AGMO: variants seen among roughly 807,000 people sequenced by gnomAD.
The protein encoded by AGMO is alkylglycerol monooxygenase.
Under a neutral mutation model 60.2 loss-of-function variants are expected in AGMO, and 75 were observed. The ratio of observed to expected loss-of-function variants is 1.25; its 90% CI spans 1.03 to 1.51. AGMO has a LOEUF of 1.51. Ranked by LOEUF, AGMO falls within the 40% of genes most tolerant of loss-of-function variation. The pLI, the probability that AGMO is intolerant of heterozygous loss-of-function variation, is 0.00. For missense variants in AGMO, 763 were observed against 525.5 expected, an observed-to-expected ratio of 1.45 and a Z score of -4.42; for synonymous variants, 261 against 177.1, an observed-to-expected ratio of 1.47 and a Z score of -3.76.
intron 3 of AGMO, among the ~76,000 whole-genome samples, chr7:15,437,787 G>T (rs1260706654): frequency 6.6e-6 from 1 of 152,016 alleles, no homozygotes. Flanking sequence ...TGATCCGCCC[G>T]CCTCGGCCTC....
the AGMO span, among the ~76,000 whole-genome samples, chr7:15,177,413 G>A: frequency 6.6e-6 from 1 of 151,980 alleles, no homozygotes; most frequent in Non-Finnish European, 1.5e-5. Context: ...CAACACTTCT[G>A]TTCTTCCTGA....
At chr7:15,549,804 G>A (rs1784894226) in intron 2 of AGMO, among the ~76,000 whole-genome samples, 1 of 151,584 alleles carries the variant, frequency 6.6e-6, no homozygotes, top group African/African-American at 2.4e-5. Context: ...ACTCAGCTCT[G>A]CACCAAGCGG....
intron 12 of AGMO, among the ~76,000 whole-genome samples, chr7:15,256,875 C>G (rs962887059): frequency 1.3e-5 from 2 of 152,142 alleles, no homozygotes; most frequent in Non-Finnish European, 2.9e-5. Flanking sequence ...ATGGGAAAAT[C>G]ATAAACTGTT....
intron 2 of AGMO, among the ~76,000 whole-genome samples, chr7:15,555,069 T>C (rs1785088162): frequency 6.6e-6 from 1 of 151,876 alleles, no homozygotes; most frequent in South Asian, 2.1e-4. Flanking sequence ...CATACAAATC[T>C]GCCAATTTAT....
chr7:15,132,979 G>C, the AGMO span, among the ~76,000 whole-genome samples: 1 of 152,106 alleles, frequency 6.6e-6, no homozygotes, highest in African/African-American at 2.4e-5. Flanking sequence ...GGTTATAATG[G>C]TCAACCTTTG....
At chr7:15,267,421 T>A (rs1309096646) in intron 12 of AGMO, among the ~76,000 whole-genome samples, 2 of 151,950 alleles carry the variant, frequency 1.3e-5, no homozygotes, top group African/African-American at 4.8e-5. Context: ...ATGATAATAA[T>A]CTTTAAAGGC....
chr7:15,381,415 T>C (rs1343679982), intron 10 of AGMO, among the ~76,000 whole-genome samples: 3 of 146,398 alleles, frequency 2.0e-5, no homozygotes, highest in East Asian at 3.9e-4. Flanking sequence ...CACAATCATA[T>C]GAAAAAAAAA....
At chr7:15,413,718 T>G (rs1353792084) in intron 5 of AGMO, among the ~76,000 whole-genome samples, 11 of 152,130 alleles carry the variant, frequency 7.2e-5, no homozygotes, top group African/African-American at 1.7e-4. Context: ...AATTTCATAT[T>G]CAGAAAAGTA....
intron 3 of AGMO, among the ~76,000 whole-genome samples, chr7:15,452,243 T>A (rs900069004): frequency 2.0e-5 from 3 of 152,184 alleles, no homozygotes; most frequent in Non-Finnish European, 2.9e-5. Context: ...ATATACTTCA[T>A]CGAATTTTTA....
rs1780926163 is a variant in AGMO at position 15,421,571 on chromosome 7, AAACAT to A, written c.514-2923_514-2919del. On this transcript the variant is annotated intron_variant, in intron 4 of 12. Coordinates refer to ENST00000342526, the MANE Select transcript of AGMO (RefSeq NM_001004320.2). ...CAGATTTAAGGATTTGGCAGCTGTT[AAACAT>A]AGGAGTTGAGAGGTAAATAGCAGTG... Among the ~76,000 whole-genome samples, 5 of 152,290 alleles carry A rather than the reference AAACAT, an allele frequency of 3.3e-5. No individual in the cohort carries two copies. In the South Asian group the frequency reaches 1.0e-3, roughly 32 times the overall value.
intron 3 of AGMO, among the ~76,000 whole-genome samples, chr7:15,445,225 C>T (rs1259287406): frequency 2.0e-5 from 3 of 152,088 alleles, no homozygotes; most frequent in Non-Finnish European, 4.4e-5. Flanking sequence ...CAAGGAATAA[C>T]ATCAGTATTG....
At chr7:15,149,459 T>C in the AGMO span, among the ~76,000 whole-genome samples, 1 of 152,238 alleles carries the variant, frequency 6.6e-6, no homozygotes, top group Non-Finnish European at 1.5e-5. Flanking sequence ...GTCTTACATT[T>C]AAGCTTTTAA....
At chr7:15,288,740 T>C (rs1784171099) in intron 12 of AGMO, among the ~76,000 whole-genome samples, 1 of 144,668 alleles carries the variant, frequency 6.9e-6, no homozygotes, top group African/African-American at 2.5e-5. Context: ...GTTATAGCAA[T>C]AGATTTGAGG....
chr7:15,391,879 A>G (rs551073641), intron 6 of AGMO, among the ~76,000 whole-genome samples: 2 of 152,222 alleles, frequency 1.3e-5, no homozygotes, highest in Middle Eastern at 3.4e-3. Context: ...TGACGTTGCT[A>G]AATTTCCCAC....
chr7:15,437,586 G>C (rs1156454495), intron 3 of AGMO, among the ~76,000 whole-genome samples: 3 of 143,024 alleles, frequency 2.1e-5, no homozygotes, highest in Non-Finnish European at 4.5e-5. Context: ...CCAGGCTCGA[G>C]TGCAGTGGTG....
chr7:15,267,352 AAGAC>A (rs1434910361), intron 12 of AGMO, among the ~76,000 whole-genome samples: 4 of 152,016 alleles, frequency 2.6e-5, no homozygotes, highest in Non-Finnish European at 5.9e-5. Flanking sequence ...TTAAGTGAAA[AAGAC>A]AGAATAAAAA....
At chr7:15,328,385 C>A (rs573254349) in intron 12 of AGMO, among the ~76,000 whole-genome samples, 2 of 152,194 alleles carry the variant, frequency 1.3e-5, no homozygotes, top group Non-Finnish European at 2.9e-5. Context: ...GCGTGAGCCA[C>A]CACGCCCAGC....
At chr7:15,244,420 T>C (rs529748435) in intron 12 of AGMO, among the ~76,000 whole-genome samples, 5 of 152,296 alleles carry the variant, frequency 3.3e-5, no homozygotes, top group Admixed American at 6.5e-5. Context: ...TGACTTTGTA[T>C]AGTTTATGCA....
chr7:15,292,758 T>TTTCC (rs1784308873), intron 12 of AGMO, among the ~76,000 whole-genome samples: 1 of 110,932 alleles, frequency 9.0e-6, no homozygotes, highest in African/African-American at 3.4e-5. Flanking sequence ...TTCCTTTTTT[T>TTTCC]TTTTTTTTTT....
Sources: gnomAD v4.1 joint callset for allele counts (sites outside exome capture counted in the v4.1 genomes callset) on GRCh38, gnomAD v4.1.1 for gene constraint, MANE v1.5 for transcripts, NCBI Gene and HGNC (gene_info 2026-07-23, HGNC 2026-07-21) for gene names.